Variants in ADAMTS17 observed in about 807,000 individuals in gnomAD.
ADAMTS17 encodes A disintegrin and metalloproteinase with thrombospondin motifs 17.
In ADAMTS17, 113 loss-of-function variants were observed where a neutral mutation model predicts 141.5. The observed-to-expected ratio is 0.80, with a 90% confidence interval of 0.69 to 0.93. The LOEUF (loss-of-function observed/expected upper bound fraction) is 0.93, where lower values mean the gene tolerates loss of function less well. ADAMTS17 is among the 40% of genes least tolerant of loss of function. The pLI is 0.00. For missense variants in ADAMTS17, 1,659 were observed against 1,517.9 expected, an observed-to-expected ratio of 1.09 and a Z score of -1.54; for synonymous variants, 768 against 630.6, an observed-to-expected ratio of 1.22 and a Z score of -3.27.
Position 100,179,061 on chromosome 15 carries a change from C to T in ADAMTS17, c.1181+20257G>A, listed in dbSNP as rs892267664. Among the ~76,000 whole-genome samples, 28 of 152,134 alleles carry T rather than the reference C, an allele frequency of 1.8e-4. 1 individual carries two copies. The highest frequency in any genetic ancestry group is 5.3e-4 in the African/African-American group (22 of 41,498). ...TGTCTAATAATTATATCAGGGCAAA[C>T]GGGGTATCATCATCTCCAACAATCC... On this transcript the variant is annotated intron_variant, in intron 8 of 21. Coordinates refer to ENST00000268070, the MANE Select transcript of ADAMTS17 (RefSeq NM_139057.4).
chr15:100,124,482 G>C (rs570230526), intron 12 of ADAMTS17, among the ~76,000 whole-genome samples: 1 of 152,300 alleles, frequency 6.6e-6, no homozygotes, highest in East Asian at 1.9e-4. Flanking sequence ...CAACACCGGT[G>C]TCAGTGAGGA....
chr15:100,025,445 T>G (rs1400873659), intron 18 of ADAMTS17, among the ~76,000 whole-genome samples: 1 of 149,296 alleles, frequency 6.7e-6, no homozygotes, highest in African/African-American at 2.5e-5. Context: ...AGACTTTCAC[T>G]CTTTTGCCCA....
chr15:100,056,540 A>T lies in ADAMTS17; in HGVS notation c.2138-2486T>A, dbSNP rs151123518. The stretch of plus-strand genomic sequence containing the variant: ...GGCATGCACAACCCAGATCCCTTGC[A>T]CGTGCCATTCACAATAGGGTTTGCG... On this transcript the variant is annotated intron_variant, in intron 15 of 21. Transcript: ENST00000268070. 8.5e-3 allele frequency among the ~76,000 whole-genome samples: 1,292 copies of T among 152,268 alleles called. 13 individuals carry two copies. Among genetic ancestry groups the T allele is most frequent in the Non-Finnish European group, 0.015 (995 of 68,010 alleles).
intron 20 of ADAMTS17, among the ~76,000 whole-genome samples, chr15:99,988,153 G>A (rs1255495513): frequency 1.3e-5 from 2 of 151,992 alleles, no homozygotes; most frequent in Non-Finnish European, 2.9e-5. Flanking sequence ...ATACAGTTTG[G>A]GTGTTTGTCC....
chr15:100,189,062 G>A (rs570039601), intron 8 of ADAMTS17, among the ~76,000 whole-genome samples: 6 of 152,282 alleles, frequency 3.9e-5, no homozygotes, highest in South Asian at 2.1e-4. Flanking sequence ...TGTTCTACAC[G>A]AGTCCCCTGG....
intron 8 of ADAMTS17, among the ~76,000 whole-genome samples, chr15:100,178,619 C>T (rs1016234667): frequency 6.6e-6 from 1 of 152,026 alleles, no homozygotes; most frequent in Non-Finnish European, 1.5e-5. Flanking sequence ...TTTACCCATT[C>T]TGTTGTTTTT....
rs151338585 is a variant in ADAMTS17, at chr15:100,155,298, C to A, written c.1204G>T (p.Asp402Tyr). 22 of 1,613,848 alleles carry A rather than the reference C, an allele frequency of 1.4e-5. No homozygotes were observed. Among genetic ancestry groups the A allele is most frequent in the Non-Finnish European group, 1.8e-5 (21 of 1,179,962 alleles). Residue 402 changes from aspartate to tyrosine, a missense_variant, in exon 9 of 22, where the codon GAC (aspartate) becomes TAC (tyrosine). Coordinates refer to ENST00000268070, the MANE Select transcript of ADAMTS17 (RefSeq NM_139057.4). The part of the protein sequence containing the change: ...GHNLGMNHDD[D>Y]HSSCAGRSHI... Reference sequence around the variant, plus strand: ...GACCTGCCAGCGCAAGATGAGTGGTCATCGTCGTGGTTCATGCCCAAGCTG... The same window carrying A: ...GACCTGCCAGCGCAAGATGAGTGGTAATCGTCGTGGTTCATGCCCAAGCTG...
intron 7 of ADAMTS17, among the ~76,000 whole-genome samples, chr15:100,233,923 C>T (rs577825792): frequency 2.0e-5 from 3 of 152,204 alleles, no homozygotes; most frequent in African/African-American, 4.8e-5. Flanking sequence ...ATGTCCTGGG[C>T]GCCCTACTGT....
chr15:99,987,349 T>A (rs912004811), intron 20 of ADAMTS17, among the ~76,000 whole-genome samples: 1 of 152,182 alleles, frequency 6.6e-6, no homozygotes, highest in African/African-American at 2.4e-5. Context: ...GGTGTTTGCC[T>A]CCCAAGACCT....
chr15:100,003,160 A>G (rs2060964238), intron 18 of ADAMTS17, among the ~76,000 whole-genome samples: 1 of 152,110 alleles, frequency 6.6e-6, no homozygotes, highest in African/African-American at 2.4e-5. Flanking sequence ...GTCTCCCCAT[A>G]AGAGAGGAGC....
At chr15:99,982,389 C>CTGA (rs1448004791) in intron 20 of ADAMTS17, among the ~76,000 whole-genome samples, 1 of 152,124 alleles carries the variant, frequency 6.6e-6, no homozygotes, top group Non-Finnish European at 1.5e-5. Flanking sequence ...GCAGCCAGAC[C>CTGA]TCAGGGAGCA....
At chr15:100,340,958 G>GGGCC in intron 2 of ADAMTS17, 81 bp downstream of exon 2, 1 of 1,504,454 alleles carries the variant, frequency 6.6e-7, no homozygotes. Context: ...CAGCAGAGGC[G>GGGCC]CCCCACCCCC....
chr15:100,054,008 TATCTTCCAGTCAC>T lies in ADAMTS17; in HGVS notation c.2171_2183del (p.Ser724LysfsTer17). On this transcript the variant is annotated frameshift_variant, in exon 16 of 22. Coordinates refer to ENST00000268070, the MANE Select transcript of ADAMTS17 (RefSeq NM_139057.4). LOFTEE classifies it high-confidence loss of function. ...CAATCTGGAACTCTCCGGGGAGCTC[TATCTTCCAGTCAC>T]TGTTGATGGACCCCTTACCCGAGTC... 4 of 1,614,200 alleles carry T rather than the reference TATCTTCCAGTCAC, an allele frequency of 2.5e-6. No homozygotes were observed. Among genetic ancestry groups the T allele is most frequent in the Non-Finnish European group, 2.5e-6 (3 of 1,180,024 alleles).
At chr15:100,215,273 C>T (rs148679291) in intron 7 of ADAMTS17, among the ~76,000 whole-genome samples, 2 of 152,324 alleles carry the variant, frequency 1.3e-5, no homozygotes, top group Non-Finnish European at 2.9e-5. Flanking sequence ...AGATCAGCTG[C>T]TTGTGAGATG....
chr15:100,082,064 A>T lies in ADAMTS17; in HGVS notation c.2137+14292T>A, dbSNP rs1842521. Among the ~76,000 whole-genome samples the T allele has an allele frequency of 9.7e-4, 147 of 152,234 alleles. No individual in the cohort carries two copies. In the South Asian group the frequency reaches 0.012, roughly 13 times the overall value. Reference sequence around the variant, plus strand: ...ATCTGTTGTTTCTTTGCTTTTATTGATTTTTTTGTTTTCTTTGAGACCAAG... The same window carrying T: ...ATCTGTTGTTTCTTTGCTTTTATTGTTTTTTTTGTTTTCTTTGAGACCAAG... On this transcript the variant is annotated intron_variant, in intron 15 of 21. Coordinates refer to ENST00000268070, the MANE Select transcript of ADAMTS17 (RefSeq NM_139057.4).
At chr15:100,233,746 G>A (rs1468143027) in intron 7 of ADAMTS17, among the ~76,000 whole-genome samples, 1 of 152,078 alleles carries the variant, frequency 6.6e-6, no homozygotes, top group East Asian at 1.9e-4. Flanking sequence ...TGGGAAGAGA[G>A]CGAGTTATGG....
intron 14 of ADAMTS17, among the ~76,000 whole-genome samples, chr15:100,108,010 C>T (rs1596453239): frequency 6.6e-6 from 1 of 152,236 alleles, no homozygotes; most frequent in East Asian, 1.9e-4. Flanking sequence ...GCTGCGCCAC[C>T]TCAGGAGGTG....
rs189537714 is a variant in ADAMTS17 at position 100,210,374 on chromosome 15, C to T, written c.1076-10951G>A. Among the ~76,000 whole-genome samples, 469 of 152,144 alleles carry T rather than the reference C, an allele frequency of 3.1e-3. 2 individuals are homozygous for T. Among genetic ancestry groups the T allele is most frequent in the African/African-American group, 0.01 (420 of 41,518 alleles). On this transcript the variant is annotated intron_variant, in intron 7 of 21. Transcript: ENST00000268070. The stretch of plus-strand genomic sequence containing the variant: ...AGGTCCTGCACTAAAGAGTCCCATG[C>T]GGGATCTCATTTTATCCACACCACC...
chr15:100,225,109 T>C (rs1164406577), intron 7 of ADAMTS17, among the ~76,000 whole-genome samples: 1 of 152,246 alleles, frequency 6.6e-6, no homozygotes, highest in Non-Finnish European at 1.5e-5. Flanking sequence ...ACAAGAAATA[T>C]ACTTTCCTCC....
Sources: gnomAD v4.1 joint callset for allele counts (sites outside exome capture counted in the v4.1 genomes callset) on GRCh38, gnomAD v4.1.1 for gene constraint, MANE v1.5 for transcripts, NCBI Gene and HGNC (gene_info 2026-07-23, HGNC 2026-07-21) for gene names.